PLAC1: variants seen among roughly 807,000 people sequenced by gnomAD.
PLAC1 encodes placenta-specific protein 1.
For missense variants in PLAC1, 136 were observed against 163.2 expected (o/e 0.83, Z 0.91); for synonymous variants, 68 against 62.1 (o/e 1.09, Z -0.44).
chrX:134,737,114 G>T (rs1167393685), intron 1 of PLAC1, among the ~76,000 whole-genome samples: 2 of 112,666 alleles, frequency 1.8e-5, no homozygotes, highest in African/African-American at 6.4e-5. Flanking sequence ...ACAGCCAATT[G>T]TGATGTGTTA....
intron 1 of PLAC1, among the ~76,000 whole-genome samples, chrX:134,734,029 C>A (rs1429622051): frequency 8.9e-6 from 1 of 111,792 alleles, no homozygotes; most frequent in African/African-American, 3.2e-5. Flanking sequence ...GATTGAAGTT[C>A]TTTCCTGGAT....
intron 2 of PLAC1, among the ~76,000 whole-genome samples, chrX:134,571,293 T>C (rs1267830115): frequency 8.9e-6 from 1 of 112,408 alleles, no homozygotes; most frequent in Non-Finnish European, 1.9e-5. Context: ...GTTCTATGTA[T>C]ACATGTAACA....
At chrX:134,734,681 C>CT (rs745615296) in intron 1 of PLAC1, among the ~76,000 whole-genome samples, 41 of 111,541 alleles carry the variant, frequency 3.7e-4, no homozygotes, top group Non-Finnish European at 3.0e-4. Flanking sequence ...TCCCCTCTCT[C>CT]TTTTTTTTAT....
chrX:134,718,326 A>G (rs1331747894), intron 2 of PLAC1, among the ~76,000 whole-genome samples: 1 of 111,311 alleles, frequency 9.0e-6, no homozygotes, highest in Non-Finnish European at 1.9e-5. Flanking sequence ...GTGGGGTGTC[A>G]CCTTTTTTTT....
chrX:134,715,931 C>T (rs907173825), intron 2 of PLAC1, among the ~76,000 whole-genome samples: 4 of 112,619 alleles, frequency 3.6e-5, no homozygotes, highest in African/African-American at 1.3e-4. Context: ...ACTTCCCTGC[C>T]TCAGTTTTGC....
intron 2 of PLAC1, among the ~76,000 whole-genome samples, chrX:134,683,814 C>T (rs776183209): frequency 8.9e-6 from 1 of 112,412 alleles, no homozygotes; most frequent in African/African-American, 3.2e-5. Context: ...CTGTGCCCAA[C>T]CTCACTTTGT....
At chrX:134,620,240 G>A (rs2078204329) in intron 1 of PLAC1, among the ~76,000 whole-genome samples, 1 of 112,303 alleles carries the variant, frequency 8.9e-6, no homozygotes, top group Non-Finnish European at 1.9e-5. Flanking sequence ...TCTTATAGTG[G>A]CCCATGTTAT....
At chrX:134,608,688 T>C (rs1477830011) in intron 1 of PLAC1, among the ~76,000 whole-genome samples, 1 of 106,552 alleles carries the variant, frequency 9.4e-6, no homozygotes, top group Non-Finnish European at 1.9e-5. Context: ...TCTTTTTTTT[T>C]TTTTTTGAGA....
chrX:134,688,496 G>A (rs1038945419), intron 2 of PLAC1, among the ~76,000 whole-genome samples: 2 of 112,072 alleles, frequency 1.8e-5, no homozygotes, highest in Admixed American at 9.4e-5. Context: ...AGGTTGTATT[G>A]GGTGACAAGG....
chrX:134,737,339 A>G (rs1051523910), intron 1 of PLAC1, among the ~76,000 whole-genome samples: 1 of 112,467 alleles, frequency 8.9e-6, no homozygotes, highest in African/African-American at 3.2e-5. Flanking sequence ...GGACTTGTGG[A>G]TCCCAATAAT....
intron 2 of PLAC1, among the ~76,000 whole-genome samples, chrX:134,717,018 G>A: frequency 8.9e-6 from 1 of 111,974 alleles, no homozygotes; most frequent in Non-Finnish European, 1.9e-5. Context: ...TCATTATCTT[G>A]TATACCAACT....
intron 2 of PLAC1, among the ~76,000 whole-genome samples, chrX:134,684,059 A>G (rs1032536735): frequency 3.6e-5 from 4 of 111,296 alleles, no homozygotes; most frequent in African/African-American, 1.3e-4. Context: ...ACATCAAGTG[A>G]TGATCAATCT....
intron 1 of PLAC1, among the ~76,000 whole-genome samples, chrX:134,630,593 G>A (rs1273901709): frequency 9.0e-6 from 1 of 111,550 alleles, no homozygotes; most frequent in Non-Finnish European, 1.9e-5. Flanking sequence ...ATTTAAGGGC[G>A]GGCAAGATGG....
At chrX:134,680,542 A>T (rs1236562899) in intron 2 of PLAC1, among the ~76,000 whole-genome samples, 2 of 94,432 alleles carry the variant, frequency 2.1e-5, no homozygotes, top group East Asian at 6.9e-4. Flanking sequence ...ACTAAACTAA[A>T]CTGAACTAAA....
intron 2 of PLAC1, among the ~76,000 whole-genome samples, chrX:134,728,541 C>A (rs1053080418): frequency 8.0e-5 from 9 of 111,835 alleles, no homozygotes; most frequent in African/African-American, 9.7e-5. Flanking sequence ...TATCCCCAAC[C>A]AAACTGTTGT....
At chrX:134,706,193 T>C (rs748600965) in intron 2 of PLAC1, among the ~76,000 whole-genome samples, 1 of 112,568 alleles carries the variant, frequency 8.9e-6, no homozygotes, top group African/African-American at 3.2e-5. Flanking sequence ...GGCAAATATC[T>C]ACAGAAAAAA....
At chrX:134,602,449 A>G in intron 1 of PLAC1, among the ~76,000 whole-genome samples, 1 of 112,622 alleles carries the variant, frequency 8.9e-6, no homozygotes, top group East Asian at 2.8e-4. Context: ...AGCATTTACT[A>G]TTCTGAAAAA....
intron 2 of PLAC1, among the ~76,000 whole-genome samples, chrX:134,682,544 C>T (rs2078501731): frequency 9.1e-6 from 1 of 110,196 alleles, no homozygotes; most frequent in Non-Finnish European, 1.9e-5. Flanking sequence ...AAGTACCTCT[C>T]TATCTGCTTT....
intron 1 of PLAC1, among the ~76,000 whole-genome samples, chrX:134,633,659 T>C (rs976804670): frequency 9.0e-6 from 1 of 111,645 alleles, no homozygotes; most frequent in African/African-American, 3.3e-5. Flanking sequence ...CTTCTAATAC[T>C]GCCAAATACA....
Sources: allele counts gnomAD v4.1 joint callset (sites outside exome capture counted in the v4.1 genomes callset), GRCh38; gene constraint gnomAD v4.1.1; transcripts MANE v1.5; gene names NCBI Gene and HGNC (gene_info 2026-07-23, HGNC 2026-07-21).